IGF1R: variants seen among roughly 807,000 people sequenced by gnomAD.
IGF1R encodes the protein insulin-like growth factor 1 receptor.
In IGF1R, 44 loss-of-function variants were observed where a neutral mutation model predicts 144.6. The ratio of observed to expected loss-of-function variants is 0.30; its 90% CI spans 0.24 to 0.39. The LOEUF (loss-of-function observed/expected upper bound fraction) is 0.39, where lower values mean the gene tolerates loss of function less well. Among genes scored for constraint, IGF1R ranks in the 10% least tolerant of loss-of-function variants. The pLI is 1.00. For missense variants in IGF1R, 1,355 were observed against 1,833.7 expected (o/e 0.74, Z 4.77); for synonymous variants, 795 against 722.8 (o/e 1.10, Z -1.60).
At position 98,679,268 on chromosome 15, in the gene IGF1R, T is replaced by C. The variant is rs148163448; in HGVS notation, c.95-28294T>C. ...TTTCCAGCAAGTCAATTAAAAATTATAGCTCAGTTGTATGTAGTATTTTCT... is the reference window on the plus strand; with the variant it reads ...TTTCCAGCAAGTCAATTAAAAATTACAGCTCAGTTGTATGTAGTATTTTCT... On this transcript the variant is annotated intron_variant, in intron 1 of 20. Transcript: ENST00000650285. 3.3e-5 allele frequency among the ~76,000 whole-genome samples: 5 copies of C among 152,360 alleles called. No individual in the cohort carries two copies. In the East Asian group the frequency reaches 9.6e-4, roughly 29 times the overall value.
intron 2 of IGF1R, among the ~76,000 whole-genome samples, chr15:98,800,888 C>A (rs1173281944): frequency 1.3e-5 from 2 of 152,214 alleles, no homozygotes; most frequent in Non-Finnish European, 2.9e-5. Context: ...CATTCACTTG[C>A]AGCCATCTAG....
At position 98,705,177 on chromosome 15, in the gene IGF1R, C is replaced by T. The variant is rs144767880; in HGVS notation, c.95-2385C>T. ...GGAAAAGGTTGAGGATAGCAACCAA[C>T]ATTTAGAGGTAAGGTAGAAGGCAGA... On this transcript the variant is annotated intron_variant, in intron 1 of 20. Transcript: ENST00000650285. Among the ~76,000 whole-genome samples, 24 of 152,168 alleles carry T rather than the reference C, an allele frequency of 1.6e-4. No individual in the cohort carries two copies. In the East Asian group the frequency reaches 4.3e-3, roughly 27 times the overall value.
chr15:98,788,388 G>GT (rs1178418654), intron 2 of IGF1R, among the ~76,000 whole-genome samples: 1 of 152,172 alleles, frequency 6.6e-6, no homozygotes, highest in African/African-American at 2.4e-5. Flanking sequence ...TCTGGGACCA[G>GT]TGGAAGGTCA....
chr15:98,665,692 C>T (rs555763950), intron 1 of IGF1R, among the ~76,000 whole-genome samples: 1 of 152,194 alleles, frequency 6.6e-6, no homozygotes, highest in Non-Finnish European at 1.5e-5. Flanking sequence ...GCCCTTTGTG[C>T]GTGGATGGCT....
chr15:98,817,424 A>G (rs1318081298), intron 2 of IGF1R, among the ~76,000 whole-genome samples: 1 of 152,134 alleles, frequency 6.6e-6, no homozygotes, highest in Non-Finnish European at 1.5e-5. Flanking sequence ...AGAAAACACA[A>G]AACAGTACTG....
At position 98,935,298 on chromosome 15, in the gene IGF1R, C is replaced by T. The variant is rs1487571554; in HGVS notation, c.3187-18C>T. On this transcript the variant is annotated intron_variant, in intron 16 of 20. Transcript: ENST00000650285. This position sits in a 1 kb window ranked among gnomAD's most constrained non-coding sequence, Gnocchi z 4.2. ...GCCACCTGACCCTCTGAGTCTTTCT[C>T]TTTTTGATTCCTCCCAGGTGCGATT... 1 of 1,515,746 alleles carries T rather than the reference C, an allele frequency of 6.6e-7. No homozygotes were observed. The highest frequency in any genetic ancestry group is 9.0e-7 in the Non-Finnish European group (1 of 1,115,384). The allele number at this position is 1,515,746 out of a possible 1,614,324, so 93.9% of individuals were successfully genotyped here.
intron 2 of IGF1R, among the ~76,000 whole-genome samples, chr15:98,837,712 C>T (rs139588975): frequency 6.6e-6 from 1 of 152,278 alleles, no homozygotes; most frequent in Non-Finnish European, 1.5e-5. Context: ...TACTGCCATG[C>T]TTTAATGGCA....
intron 1 of IGF1R, chr15:98,650,998 A>G (rs2052349608): frequency 2.0e-6 from 2 of 985,166 alleles, no homozygotes; most frequent in Non-Finnish European, 2.4e-6. Flanking sequence ...GCTTACTGGT[A>G]CATTCAAGAT....
intron 1 of IGF1R, among the ~76,000 whole-genome samples, chr15:98,686,486 C>A (rs1013109320): frequency 6.6e-6 from 1 of 152,060 alleles, no homozygotes; most frequent in Non-Finnish European, 1.5e-5. Flanking sequence ...TTTGAGGAAC[C>A]ACTGTACTGT....
chr15:98,702,286 C>G lies in IGF1R; in HGVS notation c.95-5276C>G, dbSNP rs374450512. On this transcript the variant is annotated intron_variant, in intron 1 of 20. Transcript: ENST00000650285. ...CTGCCTCTTGATCTTTAGAAAATAC[C>G]TAAGAGTATTTTGTTAACAGTACTC... 2.0e-4 allele frequency among the ~76,000 whole-genome samples: 31 copies of G among 152,096 alleles called. No individual in the cohort carries two copies. The East Asian group carries it at 4.1e-3, about 20-fold the overall frequency.
At chr15:98,803,952 C>A (rs1296056280) in intron 2 of IGF1R, among the ~76,000 whole-genome samples, 1 of 152,196 alleles carries the variant, frequency 6.6e-6, no homozygotes, top group Non-Finnish European at 1.5e-5. Context: ...TACTTTTATA[C>A]AGCTGGCAGC....
chr15:98,961,708 G>C lies in IGF1R; in HGVS notation c.*4266G>C, dbSNP rs1239322063. ...ACAGCCCTTCCCTGAGGCAGCAGGA[G>C]CTGGTGTGTACTGGAGACACTGTTG... On this transcript the variant is annotated 3_prime_UTR_variant, in exon 21 of 21. Coordinates refer to ENST00000650285, the MANE Select transcript of IGF1R (RefSeq NM_000875.5). 3 of 233,574 alleles carry C rather than the reference G, an allele frequency of 1.3e-5. No individual in the cohort carries two copies. The highest frequency in any genetic ancestry group is 6.6e-5 in the African/African-American group (3 of 45,348). 14.5% of individuals were successfully genotyped at this position (233,574 alleles called of 1,614,324 possible). A position where few individuals can be genotyped will look rare whatever the true frequency, so the allele number is the denominator to read the frequency against.
At position 98,667,026 on chromosome 15, in the gene IGF1R, C is replaced by T. The variant is rs373920294; in HGVS notation, c.94+17351C>T. ...TTGTCCATGGCGGTCCTAGGTACCA[C>T]GGGATCACTGCGGGGGAACTGTGAG... On this transcript the variant is annotated intron_variant, in intron 1 of 20. Transcript: ENST00000650285. 1.8e-4 allele frequency among the ~76,000 whole-genome samples: 28 copies of T among 152,050 alleles called. 1 individual carries two copies. Among genetic ancestry groups the T allele is most frequent in the East Asian group, 3.9e-4 (2 of 5,158 alleles).
chr15:98,885,857 C>T (rs561097720), intron 2 of IGF1R, among the ~76,000 whole-genome samples: 29 of 149,800 alleles, frequency 1.9e-4, no homozygotes, highest in African/African-American at 6.1e-4. Context: ...GTTCTTGTCC[C>T]TCAGGCTGGA....
chr15:98,811,178 A>G (rs1365824882), intron 2 of IGF1R, among the ~76,000 whole-genome samples: 4 of 151,858 alleles, frequency 2.6e-5, no homozygotes, highest in Admixed American at 6.6e-5. Flanking sequence ...GCACATGCCT[A>G]TAATACCAGC....
At chr15:98,781,090 C>T (rs943912237) in intron 2 of IGF1R, among the ~76,000 whole-genome samples, 4 of 152,148 alleles carry the variant, frequency 2.6e-5, no homozygotes, top group African/African-American at 9.7e-5. Flanking sequence ...CCGCTGTACT[C>T]CAGCCTGGAT....
At chr15:98,873,504 C>T (rs1437507362) in intron 2 of IGF1R, among the ~76,000 whole-genome samples, 1 of 152,212 alleles carries the variant, frequency 6.6e-6, no homozygotes, top group Non-Finnish European at 1.5e-5. Context: ...CTGCAGAGGG[C>T]AGTCATGTGT....
At chr15:98,845,253 T>G (rs2011265170) in intron 2 of IGF1R, among the ~76,000 whole-genome samples, 1 of 152,186 alleles carries the variant, frequency 6.6e-6, no homozygotes, top group Non-Finnish European at 1.5e-5. Context: ...GTATTTAGTT[T>G]TCATTTACCC....
chr15:98,957,708 A>G lies in IGF1R; in HGVS notation c.*266A>G, dbSNP rs1596494860. The G allele has an allele frequency of 3.6e-6, 2 of 549,070 alleles. No homozygotes were observed. The highest frequency in any genetic ancestry group is 6.1e-5 in the East Asian group (2 of 32,698). The allele number at this position is 549,070 out of a possible 1,614,324, so 34.0% of individuals were successfully genotyped here. ...AAGAACCTTAATGACAACACTTAAT[A>G]GCAACAGAGCACTTGAGAACCAGTC... On this transcript the variant is annotated 3_prime_UTR_variant, in exon 21 of 21. Transcript: ENST00000650285.
Sources: allele counts gnomAD v4.1 joint callset (sites outside exome capture counted in the v4.1 genomes callset), GRCh38; gene constraint gnomAD v4.1.1; non-coding constraint Gnocchi (gnomAD v3.1); transcripts MANE v1.5; gene names NCBI Gene and HGNC (gene_info 2026-07-23, HGNC 2026-07-21).